The following TRIM29 variants were observed in gnomAD, a reference collection of about 807,000 sequenced individuals.
TRIM29 encodes tripartite motif containing 29.
TRIM29 carries 52 observed loss-of-function variants against 57.3 expected under a neutral mutation model. The observed-to-expected ratio is 0.91, with a 90% confidence interval of 0.73 to 1.14. The LOEUF (loss-of-function observed/expected upper bound fraction) is 1.14. Ranked by LOEUF, TRIM29 falls within the 50% of genes most tolerant of loss-of-function variation. The pLI, the probability that TRIM29 is intolerant of heterozygous loss-of-function variation, is 0.00. For missense variants in TRIM29, 753 were observed against 774.6 expected (o/e 0.97, Z 0.33); for synonymous variants, 319 against 316.9 (o/e 1.01, Z -0.07).
At chr11:120,114,975 G>T (rs1565311787) in intron 8 of TRIM29, among the ~76,000 whole-genome samples, 1 of 152,174 alleles carries the variant, frequency 6.6e-6, no homozygotes, top group Non-Finnish European at 1.5e-5. Flanking sequence ...TCTCTAGGAG[G>T]AGGCCTGTCC....
chr11:120,129,858 G>T (rs1312895384), intron 1 of TRIM29, among the ~76,000 whole-genome samples: 1 of 152,092 alleles, frequency 6.6e-6, no homozygotes, highest in African/African-American at 2.4e-5. Context: ...CAGGCAGGGA[G>T]ATTCAGAGTT....
At chr11:120,133,244 C>T (rs996848927) in intron 1 of TRIM29, among the ~76,000 whole-genome samples, 9 of 152,198 alleles carry the variant, frequency 5.9e-5, no homozygotes, top group Admixed American at 3.3e-4. Context: ...CCACTGGACT[C>T]GGTGATCTCA....
intron 3 of TRIM29, chr11:120,126,489 C>T (rs1429056287): frequency 6.5e-6 from 1 of 152,826 alleles, no homozygotes; most frequent in African/African-American, 2.4e-5. Flanking sequence ...GGTGATCCAC[C>T]TACCTTGGCC....
intron 4 of TRIM29, 117 bp downstream of exon 4, chr11:120,125,574 G>A: frequency 9.4e-7 from 1 of 1,061,030 alleles, no homozygotes; most frequent in Non-Finnish European, 1.4e-6. Context: ...AGGGTGGGTG[G>A]GTGGGTGGGA....
At chr11:120,115,615 C>A in intron 7 of TRIM29, 1 of 575,298 alleles carries the variant, frequency 1.7e-6, no homozygotes, top group Non-Finnish European at 3.1e-6. Context: ...AGGGAGGAGG[C>A]AGCAAAGCAG....
chr11:120,128,596 G>A (rs1487119762), intron 1 of TRIM29, 101 bp from the exon 2 acceptor site: 2 of 1,505,786 alleles, frequency 1.3e-6, no homozygotes, highest in African/African-American at 1.4e-5. Flanking sequence ...CTCGCAGCCA[G>A]GGCTCATCAC....
At chr11:120,124,867 A>G (rs1485765892) in intron 4 of TRIM29, 3 of 151,924 alleles carry the variant, frequency 2.0e-5, no homozygotes, top group Non-Finnish European at 4.4e-5. Context: ...TCCCCCAAAG[A>G]ATCATATGCT....
At position 120,134,816 on chromosome 11, in the gene TRIM29, G is replaced by A. The variant is rs1019832592; in HGVS notation, c.804+2412C>T. On this transcript the variant is annotated intron_variant, in intron 1 of 8. Transcript: ENST00000341846. ...GGCTTCCTCCTCAAACAAGGACCTT[G>A]GACAGGCCCCTTCCTTCCTCTGTGC... 3.3e-5 allele frequency among the ~76,000 whole-genome samples: 5 copies of A among 152,314 alleles called. No homozygotes were observed. In the South Asian group the frequency reaches 6.2e-4, roughly 19 times the overall value.
At chr11:120,132,481 G>C (rs918636470) in intron 1 of TRIM29, among the ~76,000 whole-genome samples, 1 of 152,174 alleles carries the variant, frequency 6.6e-6, no homozygotes, top group Non-Finnish European at 1.5e-5. Flanking sequence ...TGCCAGGAAC[G>C]GGCCCTGCAT....
chr11:120,134,886 C>T (rs1304768023), intron 1 of TRIM29, among the ~76,000 whole-genome samples: 4 of 152,184 alleles, frequency 2.6e-5, no homozygotes, highest in African/African-American at 9.7e-5. Flanking sequence ...GAGGGGGTGG[C>T]TAATACTCTG....
intron 1 of TRIM29, among the ~76,000 whole-genome samples, chr11:120,134,520 T>C (rs988819616): frequency 3.3e-5 from 5 of 152,234 alleles, no homozygotes; most frequent in Admixed American, 2.0e-4. Flanking sequence ...TCTGTGCCAA[T>C]GTCCCCCACC....
chr11:120,113,460 T>G (rs1863188520), intron 8 of TRIM29: 1 of 332,498 alleles, frequency 3.0e-6, no homozygotes, highest in African/African-American at 2.1e-5. Context: ...GTCCCTGAGC[T>G]GGGTCAGAGA....
At chr11:120,129,877 T>C (rs1355976994) in intron 1 of TRIM29, among the ~76,000 whole-genome samples, 3 of 150,804 alleles carry the variant, frequency 2.0e-5, no homozygotes, top group Admixed American at 2.0e-4. Context: ...TTGTTCTCAG[T>C]AGCATTTGCC....
chr11:120,112,085 C>T lies in TRIM29; in HGVS notation c.*329G>A. 2.9e-6 allele frequency: 1 copy of T among 342,658 alleles called. No individual in the cohort carries two copies. The highest frequency in any genetic ancestry group is 5.5e-6 in the Non-Finnish European group (1 of 182,094). 21.2% of individuals were successfully genotyped at this position (342,658 alleles called of 1,614,324 possible). ...GCTGATACCATGCGGGTACTCACTG[C>T]TAGCCCCCAGATCCAGCCCGAGAGG... On this transcript the variant is annotated 3_prime_UTR_variant, in exon 9 of 9. Coordinates refer to ENST00000341846, the MANE Select transcript of TRIM29 (RefSeq NM_012101.4).
Position 120,112,259 on chromosome 11 carries a change from C to A in TRIM29, c.*155G>T. 1 of 782,884 alleles carries A rather than the reference C, an allele frequency of 1.3e-6. No individual in the cohort carries two copies. The highest frequency in any genetic ancestry group is 2.9e-5 in the East Asian group (1 of 35,010). The allele number at this position is 782,884 out of a possible 1,614,324, so 48.5% of individuals were successfully genotyped here. ...TGGCCAGTGGGGAAGTCGGAGAGGC[C>A]GGAACTGCCCCCAAGAGGCTGGCAG... is the stretch of plus-strand genomic sequence containing the variant. On this transcript the variant is annotated 3_prime_UTR_variant, in exon 9 of 9. Coordinates refer to ENST00000341846, the MANE Select transcript of TRIM29 (RefSeq NM_012101.4).
chr11:120,122,806 A>G, intron 5 of TRIM29, 148 bp downstream of exon 5: 1 of 648,962 alleles, frequency 1.5e-6, no homozygotes, highest in East Asian at 2.7e-5. Context: ...CATCAGGACA[A>G]CACGTAGATG....
In TRIM29 at chr11:120,120,705, G is replaced by A. The variant is rs552284045; in HGVS notation, c.1436-40C>T. Reference sequence around the variant, plus strand: ...AAGGGGGCTGTCATTGCAGAAAATTGTCTCATCAGGACTCCTTGCCCCCAA... The same window carrying A: ...AAGGGGGCTGTCATTGCAGAAAATTATCTCATCAGGACTCCTTGCCCCCAA... On this transcript the variant is annotated intron_variant, in intron 5 of 8. Transcript: ENST00000341846. The A allele has an allele frequency of 1.9e-6, 3 of 1,593,224 alleles. No individual in the cohort carries two copies. The South Asian group carries it at 3.4e-5, about 18-fold the overall frequency.
chr11:120,122,083 T>C (rs1863462997), intron 5 of TRIM29: 13 of 395,756 alleles, frequency 3.3e-5, no homozygotes, highest in South Asian at 2.3e-4. Flanking sequence ...TGCTTTTCTG[T>C]TGAGCTCATC....
intron 2 of TRIM29, 38 bp downstream of exon 2, chr11:120,128,362 G>T: frequency 6.3e-7 from 1 of 1,596,982 alleles, no homozygotes; most frequent in Non-Finnish European, 8.5e-7. Flanking sequence ...GGCCAGGTCG[G>T]GTAAGGGAGC....
Sources: gnomAD v4.1 joint callset for allele counts (sites outside exome capture counted in the v4.1 genomes callset) on GRCh38, gnomAD v4.1.1 for gene constraint, MANE v1.5 for transcripts, NCBI Gene and HGNC (gene_info 2026-07-23, HGNC 2026-07-21) for gene names.